The following SND1 variants were observed in gnomAD, a reference collection of about 807,000 sequenced individuals.
The protein encoded by SND1 is staphylococcal nuclease domain-containing protein 1.
SND1 carries 38 observed loss-of-function variants against 121.7 expected under a neutral mutation model. That is an observed-to-expected ratio of 0.31 (90% CI 0.24 to 0.41). SND1 has a LOEUF of 0.41. Ranked by LOEUF, SND1 falls within the 10% of genes least tolerant of loss-of-function variation. The pLI is 1.00. For missense variants in SND1, 868 were observed against 1,184.6 expected, an observed-to-expected ratio of 0.73 and a Z score of 3.92; for synonymous variants, 401 against 447.4, an observed-to-expected ratio of 0.90 and a Z score of 1.31.
At chr7:127,681,532 T>C (rs907425426) in intron 1 of SND1, among the ~76,000 whole-genome samples, 7 of 152,234 alleles carry the variant, frequency 4.6e-5, no homozygotes, top group African/African-American at 1.7e-4. Flanking sequence ...GCTTGTGTTT[T>C]TGGTGTCACC....
intron 2 of SND1, among the ~76,000 whole-genome samples, chr7:127,688,170 G>A (rs1447156664): frequency 6.6e-6 from 1 of 152,102 alleles, no homozygotes; most frequent in African/African-American, 2.4e-5. Context: ...AGAACCTTCT[G>A]TGCCTAATGG....
chr7:128,016,980 G>C (rs1325823028), intron 16 of SND1, among the ~76,000 whole-genome samples: 1 of 152,202 alleles, frequency 6.6e-6, no homozygotes, highest in African/African-American at 2.4e-5. Context: ...CCAAGGACCT[G>C]AACTGACAAT....
intron 16 of SND1, among the ~76,000 whole-genome samples, chr7:128,035,995 T>C (rs1474171140): frequency 6.6e-6 from 1 of 152,170 alleles, no homozygotes; most frequent in Non-Finnish European, 1.5e-5. Context: ...CTTTGCGGAC[T>C]CTTTTAAGGG....
chr7:127,746,068 A>G (rs1322205844), intron 10 of SND1, among the ~76,000 whole-genome samples: 1 of 152,178 alleles, frequency 6.6e-6, no homozygotes, highest in Non-Finnish European at 1.5e-5. Flanking sequence ...TTTTGACAAC[A>G]CAGAACACTG....
intron 15 of SND1, among the ~76,000 whole-genome samples, chr7:127,973,761 A>G (rs1180419929): frequency 6.6e-6 from 1 of 152,222 alleles, no homozygotes; most frequent in Non-Finnish European, 1.5e-5. Context: ...GAGAGACACC[A>G]TATTACTCCC....
chr7:127,814,564 C>T (rs529798087), intron 11 of SND1, among the ~76,000 whole-genome samples: 8 of 151,876 alleles, frequency 5.3e-5, no homozygotes, highest in African/African-American at 1.7e-4. Flanking sequence ...CTCCAGCATA[C>T]GATCAGTTTT....
intron 15 of SND1, among the ~76,000 whole-genome samples, chr7:127,970,107 G>GGTAAAAA (rs1801949682): frequency 6.6e-6 from 1 of 152,134 alleles, no homozygotes; most frequent in South Asian, 2.1e-4. Context: ...AATTGTATGT[G>GGTAAAAA]AACCTAGTTT....
intron 10 of SND1, among the ~76,000 whole-genome samples, chr7:127,785,965 A>G (rs1797805063): frequency 6.6e-6 from 1 of 152,218 alleles, no homozygotes; most frequent in Non-Finnish European, 1.5e-5. Flanking sequence ...ACAGAAGAAA[A>G]TAAAACAATT....
intron 10 of SND1, among the ~76,000 whole-genome samples, chr7:127,802,887 T>C (rs1798161021): frequency 6.6e-6 from 1 of 152,240 alleles, no homozygotes; most frequent in African/African-American, 2.4e-5. Context: ...TTTCTTTCAT[T>C]CCTAACGTTC....
intron 10 of SND1, among the ~76,000 whole-genome samples, chr7:127,726,646 G>A (rs1260378618): frequency 6.6e-6 from 1 of 152,156 alleles, no homozygotes; most frequent in African/African-American, 2.4e-5. Flanking sequence ...ATTGCCCAGG[G>A]CTGCTGTGGG....
intron 13 of SND1, among the ~76,000 whole-genome samples, chr7:127,898,967 C>T (rs1800172480): frequency 6.6e-6 from 1 of 152,034 alleles, no homozygotes; most frequent in Non-Finnish European, 1.5e-5. Flanking sequence ...CATTTTTTTG[C>T]CCTACAGTCA....
At chr7:127,745,369 GT>G (rs1373531797) in intron 10 of SND1, among the ~76,000 whole-genome samples, 1 of 152,150 alleles carries the variant, frequency 6.6e-6, no homozygotes, top group African/African-American at 2.4e-5. Flanking sequence ...TGTATAAGTG[GT>G]TCATTATTGA....
chr7:127,798,311 T>C (rs574442167), intron 10 of SND1, among the ~76,000 whole-genome samples: 73 of 152,306 alleles, frequency 4.8e-4, no homozygotes, highest in African/African-American at 1.5e-3. Context: ...GCTCTCACTG[T>C]GGCTAGTGTG....
chr7:127,808,110 G>T (rs1357121005), intron 11 of SND1, among the ~76,000 whole-genome samples: 3 of 151,356 alleles, frequency 2.0e-5, no homozygotes, highest in Non-Finnish European at 4.4e-5. Context: ...TCAGGAAGGG[G>T]TGTGTGGCTT....
chr7:127,934,742 GT>G (rs1244514472), intron 15 of SND1, among the ~76,000 whole-genome samples: 2 of 152,140 alleles, frequency 1.3e-5, no homozygotes, highest in Non-Finnish European at 2.9e-5. Context: ...TGTTCGTTTG[GT>G]TTTGGAATAT....
At chr7:128,074,460 A>T in intron 16 of SND1, 42 bp from the exon 17 acceptor site, 1 of 1,566,882 alleles carries the variant, frequency 6.4e-7, no homozygotes, top group Non-Finnish European at 8.7e-7. Flanking sequence ...CTGCACACTC[A>T]GGCCTGGCCC....
intron 14 of SND1, among the ~76,000 whole-genome samples, chr7:127,908,992 G>A (rs960406361): frequency 6.6e-6 from 1 of 152,114 alleles, no homozygotes. Context: ...CCAGCCCTGC[G>A]AGTGCTGATT....
At chr7:127,937,084 T>C (rs563458180) in intron 15 of SND1, among the ~76,000 whole-genome samples, 6 of 152,288 alleles carry the variant, frequency 3.9e-5, no homozygotes, top group African/African-American at 1.4e-4. Flanking sequence ...GAGATTTCAG[T>C]GCAAAGTGAT....
intron 16 of SND1, among the ~76,000 whole-genome samples, chr7:128,046,387 A>T (rs1792948914): frequency 8.6e-6 from 1 of 116,880 alleles, no homozygotes; most frequent in Non-Finnish European, 1.7e-5. Context: ...TTTTTTTGAG[A>T]CAGAGTCTCA....
Sources: allele counts gnomAD v4.1 joint callset (sites outside exome capture counted in the v4.1 genomes callset), GRCh38; gene constraint gnomAD v4.1.1; transcripts MANE v1.5; gene names NCBI Gene and HGNC (gene_info 2026-07-23, HGNC 2026-07-21).